The following LDLRAP1 variants were observed in gnomAD, a reference collection of about 807,000 sequenced individuals.
LDLRAP1 encodes low density lipoprotein receptor adapter protein 1.
Under a neutral mutation model 37.8 loss-of-function variants are expected in LDLRAP1, and 30 were observed. The observed-to-expected ratio is 0.79, with a 90% CI of 0.59 to 1.08. LDLRAP1 has a LOEUF of 1.08. Among genes scored for constraint, LDLRAP1 ranks in the 50% least tolerant of loss-of-function variants. LDLRAP1 has a pLI of 0.00. For synonymous variants in LDLRAP1, 156 were observed against 169.8 expected, an observed-to-expected ratio of 0.92 and a Z score of 0.63; for missense variants, 375 against 401.6, an observed-to-expected ratio of 0.93 and a Z score of 0.57.
chr1:25,548,130 T>C (rs1427208552), intron 1 of LDLRAP1, among the ~76,000 whole-genome samples: 1 of 152,202 alleles, frequency 6.6e-6, no homozygotes, highest in Middle Eastern at 3.2e-3. Flanking sequence ...CTGAGCTTCT[T>C]TATCTGTGAA....
downstream of LDLRAP1, among the ~76,000 whole-genome samples, chr1:25,569,616 A>G (rs1300240894): frequency 2.6e-5 from 4 of 152,232 alleles, no homozygotes; most frequent in African/African-American, 4.8e-5. Flanking sequence ...TTGTGCATTC[A>G]GGTTATCTCA....
At chr1:25,572,741 G>A (rs2044622077), downstream of LDLRAP1, among the ~76,000 whole-genome samples, 1 of 152,208 alleles carries the variant, frequency 6.6e-6, no homozygotes, top group South Asian at 2.1e-4. Flanking sequence ...TGCTAGAAGG[G>A]GCCCATGTGC....
intron 4 of LDLRAP1, among the ~76,000 whole-genome samples, chr1:25,557,964 T>A (rs1051949363): frequency 2.0e-5 from 3 of 151,560 alleles, no homozygotes; most frequent in Non-Finnish European, 2.9e-5. Flanking sequence ...AGAGTGGGGG[T>A]TTAAACCCAC....
chr1:25,586,591 T>C, the LDLRAP1 span, among the ~76,000 whole-genome samples: 20 of 151,602 alleles, frequency 1.3e-4, no homozygotes, highest in African/African-American at 4.9e-4. The surrounding 1 kb of genome is among the most constrained non-coding windows in gnomAD (Gnocchi z 4.3). Context: ...CGCGCGTGTG[T>C]GTGTGTGTAT....
At position 25,543,651 on chromosome 1, in the gene LDLRAP1, C is replaced by A; in HGVS notation, c.-48C>A. On this transcript the variant is annotated 5_prime_UTR_variant, in exon 1 of 9. The change creates a new upstream start codon in the 5' untranslated region. Coordinates refer to ENST00000374338, the MANE Select transcript of LDLRAP1 (RefSeq NM_015627.3). ...CGCAGGGCCGGGCGGAAAGTTTTTC[C>A]TGACGGAGTTTTGGCTGCGGCAGCG... 1 of 1,184,294 alleles carries A rather than the reference C, an allele frequency of 8.4e-7. No individual in the cohort carries two copies. The highest frequency in any genetic ancestry group is 1.1e-6 in the Non-Finnish European group (1 of 951,220). 73.4% of individuals were successfully genotyped at this position (1,184,294 alleles called of 1,614,324 possible).
chr1:25,562,521 GAGCTGCAGA>G, intron 4 of LDLRAP1, 114 bp from the exon 5 acceptor site: 1 of 789,746 alleles, frequency 1.3e-6, no homozygotes. Flanking sequence ...GCCTGGGATG[GAGCTGCAGA>G]AGCTGCAGGG....
At chr1:25,566,817 G>GGCTCTC in intron 8 of LDLRAP1, 31 bp from the exon 9 acceptor site, 2 of 1,596,578 alleles carry the variant, frequency 1.3e-6, no homozygotes, top group South Asian at 2.3e-5. Flanking sequence ...CCCTCACCCA[G>GGCTCTC]GCTCTCGGCT....
At chr1:25,552,792 G>A (rs906768986) in intron 1 of LDLRAP1, among the ~76,000 whole-genome samples, 5 of 152,132 alleles carry the variant, frequency 3.3e-5, no homozygotes, top group Non-Finnish European at 5.9e-5. Context: ...CTCTTTCCAC[G>A]TGTCCCTCCT....
downstream of LDLRAP1, among the ~76,000 whole-genome samples, chr1:25,571,222 A>G (rs2044601377): frequency 6.6e-6 from 1 of 152,244 alleles, no homozygotes; most frequent in South Asian, 2.1e-4. Flanking sequence ...CTCCACAGGC[A>G]GAGGCTGACT....
intron 8 of LDLRAP1, among the ~76,000 whole-genome samples, chr1:25,566,028 C>T (rs1054122314): frequency 6.6e-6 from 1 of 152,140 alleles, no homozygotes; most frequent in Non-Finnish European, 1.5e-5. Flanking sequence ...GGGGCGAGGG[C>T]GACAGTGACA....
At chr1:25,556,092 G>A (rs2044191153) in intron 3 of LDLRAP1, among the ~76,000 whole-genome samples, 1 of 152,142 alleles carries the variant, frequency 6.6e-6, no homozygotes, top group Non-Finnish European at 1.5e-5. Context: ...GGTAGGCAGG[G>A]ACCTAACACC....
rs1478294353 is a variant in LDLRAP1 at position 25,566,882 on chromosome 1, G to A, written c.817G>A (p.Asp273Asn). ...GTCTCGGACAAACCCTCAGGTCCTG[G>A]ACACTGGCCTGACAGCCCAGGACAT... ...AQSRTNPQVL[D>N]TGLTAQDMHY... Residue 273 changes from aspartate (D) to asparagine (N), a missense_variant, in exon 9 of 9, where the codon GAC becomes AAC. By Grantham distance (23) the Asp-to-Asn change is conservative. Coordinates refer to ENST00000374338, the MANE Select transcript of LDLRAP1 (RefSeq NM_015627.3). 8 of 1,612,662 alleles carry A rather than the reference G, an allele frequency of 5.0e-6. No individual in the cohort carries two copies. The East Asian group carries it at 1.8e-4, about 36-fold the overall frequency.
At chr1:25,565,740 T>TG (rs920528240) in intron 8 of LDLRAP1, among the ~76,000 whole-genome samples, 34 of 152,260 alleles carry the variant, frequency 2.2e-4, no homozygotes, top group African/African-American at 7.9e-4. Flanking sequence ...CCCTGCAGCT[T>TG]GGGGACATGC....
chr1:25,562,497 G>C, intron 4 of LDLRAP1, 147 bp from the exon 5 acceptor site: 1 of 701,310 alleles, frequency 1.4e-6, no homozygotes, highest in Non-Finnish European at 2.5e-6. Context: ...GCTCTGCCCA[G>C]CAGGCATTCC....
downstream of LDLRAP1, among the ~76,000 whole-genome samples, chr1:25,571,172 C>A (rs1024355255): frequency 2.6e-5 from 4 of 152,248 alleles, no homozygotes; most frequent in Admixed American, 6.5e-5. Context: ...GCAGCCCCAG[C>A]TACCACGGAA....
At chr1:25,551,999 C>T (rs890135339) in intron 1 of LDLRAP1, among the ~76,000 whole-genome samples, 1 of 152,150 alleles carries the variant, frequency 6.6e-6, no homozygotes, top group African/African-American at 2.4e-5. Context: ...GCCCTGACAC[C>T]CGCACCCTCT....
chr1:25,550,551 G>T (rs564536716), intron 1 of LDLRAP1, among the ~76,000 whole-genome samples: 2 of 152,320 alleles, frequency 1.3e-5, no homozygotes, highest in South Asian at 2.1e-4. Context: ...GCTTCTTGGG[G>T]TAGGGGGTAT....
downstream of LDLRAP1, among the ~76,000 whole-genome samples, chr1:25,573,521 G>T (rs558773148): frequency 6.6e-6 from 1 of 152,140 alleles, no homozygotes; most frequent in African/African-American, 2.4e-5. Context: ...CAGCCCTTGC[G>T]GCTCAGGAGG....
chr1:25,554,149 T>G lies in LDLRAP1; in HGVS notation c.231+85T>G. ...GGGTGCCCTCGTCCCAGCTTGTTAC[T>G]CCAGTTGGGTGTGTCTGAGCCTGGC... is the stretch of plus-strand genomic sequence containing the variant. On this transcript the variant is annotated intron_variant, in intron 2 of 8. Coordinates refer to ENST00000374338, the MANE Select transcript of LDLRAP1 (RefSeq NM_015627.3). The surrounding 1 kb of genome is among the most constrained non-coding windows in gnomAD (Gnocchi z 5.4). 3.3e-6 allele frequency: 5 copies of G among 1,530,118 alleles called. No individual in the cohort carries two copies. In the South Asian group the frequency reaches 4.5e-5, roughly 14 times the overall value. The allele number at this position is 1,530,118 out of a possible 1,614,324, so 94.8% of individuals were successfully genotyped here.
Sources: allele counts gnomAD v4.1 joint callset (sites outside exome capture counted in the v4.1 genomes callset), GRCh38; gene constraint gnomAD v4.1.1; non-coding constraint Gnocchi (gnomAD v3.1); transcripts MANE v1.5; gene names NCBI Gene and HGNC (gene_info 2026-07-23, HGNC 2026-07-21).